Variants in IL23R observed in about 807,000 individuals in gnomAD.
IL23R encodes the protein interleukin-23 receptor.
A neutral mutation model predicts 56.9 loss-of-function variants in IL23R; 34 were observed. That is an observed-to-expected ratio of 0.60 (90% confidence interval 0.45 to 0.80). The LOEUF (loss-of-function observed/expected upper bound fraction) is 0.80. Ranked by LOEUF, IL23R falls within the 30% of genes least tolerant of loss-of-function variation. IL23R has a pLI of 0.00. For synonymous variants in IL23R, 230 were observed against 249.2 expected (o/e 0.92, Z 0.73); for missense variants, 635 against 730.0 (o/e 0.87, Z 1.50).
intron 6 of IL23R, among the ~76,000 whole-genome samples, chr1:67,207,428 G>T (rs1649151519): frequency 6.6e-6 from 1 of 152,024 alleles, no homozygotes. Context: ...TACCTGATAT[G>T]ATTTGGCTGC....
At chr1:67,206,153 G>A (rs1649037515) in intron 5 of IL23R, among the ~76,000 whole-genome samples, 1 of 150,546 alleles carries the variant, frequency 6.6e-6, no homozygotes, top group South Asian at 2.1e-4. Context: ...GCTGGGATTG[G>A]CACGCACCAC....
intron 6 of IL23R, among the ~76,000 whole-genome samples, chr1:67,217,804 G>A (rs1272424588): frequency 6.6e-6 from 1 of 151,556 alleles, no homozygotes; most frequent in Non-Finnish European, 1.5e-5. Flanking sequence ...ATATTTTCAT[G>A]AATTTTACAT....
chr1:67,222,361 C>A (rs1650337926), intron 7 of IL23R, among the ~76,000 whole-genome samples: 1 of 152,082 alleles, frequency 6.6e-6, no homozygotes, highest in South Asian at 2.1e-4. Context: ...AGGTGATCCG[C>A]CCGCTTTGGC....
chr1:67,170,261 G>A (rs930899135), intron 3 of IL23R, among the ~76,000 whole-genome samples: 1 of 152,146 alleles, frequency 6.6e-6, no homozygotes, highest in African/African-American at 2.4e-5. Context: ...TTATTTGGAA[G>A]CATATGATAA....
rs1169553680 is a variant in IL23R, at chr1:67,200,670, C to T, written c.492-67C>T. 7.2e-6 allele frequency: 11 copies of T among 1,522,480 alleles called. No homozygotes were observed. In the East Asian group the frequency reaches 2.5e-4, roughly 35 times the overall value. The allele number at this position is 1,522,480 out of a possible 1,614,324, so 94.3% of individuals were successfully genotyped here. A position where few individuals can be genotyped will look rare whatever the true frequency, so the allele number is the denominator to read the frequency against. On this transcript the variant is annotated intron_variant, in intron 4 of 10. Coordinates refer to ENST00000347310, the MANE Select transcript of IL23R (RefSeq NM_144701.3). Reference sequence around the variant, plus strand: ...AAAATGCTAGGATTACAGGTGTGAGCCACCATGCCTGGCCAATTAATTCAA... The same window carrying T: ...AAAATGCTAGGATTACAGGTGTGAGTCACCATGCCTGGCCAATTAATTCAA...
chr1:67,254,713 A>T (rs1304624899), intron 9 of IL23R, among the ~76,000 whole-genome samples: 2 of 152,224 alleles, frequency 1.3e-5, no homozygotes, highest in African/African-American at 4.8e-5. Context: ...TCCGTTGCTA[A>T]CAGGATCCAT....
At chr1:67,219,774 A>G (rs536067665) in intron 7 of IL23R, 44 bp downstream of exon 7, 10 of 1,569,954 alleles carry the variant, frequency 6.4e-6, no homozygotes, top group African/African-American at 2.7e-5. Flanking sequence ...TTTTCTTTAT[A>G]TATCTTTTCT....
At chr1:67,262,888 G>C (rs947772993), downstream of IL23R, among the ~76,000 whole-genome samples, 1 of 152,076 alleles carries the variant, frequency 6.6e-6, no homozygotes, top group Non-Finnish European at 1.5e-5. Flanking sequence ...TGATACTTAG[G>C]AATGCTGAAG....
Position 67,259,957 on chromosome 1 carries a change from T to G in IL23R, c.*829T>G, listed in dbSNP as rs796093881. The G allele has an allele frequency of 1.1e-5, 1 of 94,242 alleles. No individual in the cohort carries two copies. The highest frequency in any genetic ancestry group is 4.7e-5 in the African/African-American group (1 of 21,474). The allele number at this position is 94,242 out of a possible 1,614,324, so 5.8% of individuals were successfully genotyped here. ...CCAGCCTGGGCAACAAGAGCAAAACTCTGTCTGGAAAAAAAAAAAAAAAAA... is the reference window on the plus strand; with the variant it reads ...CCAGCCTGGGCAACAAGAGCAAAACGCTGTCTGGAAAAAAAAAAAAAAAAA... On this transcript the variant is annotated 3_prime_UTR_variant, in exon 11 of 11. Transcript: ENST00000347310.
rs558208409 is a variant in IL23R at position 67,169,503 on chromosome 1, A to G, written c.232A>G (p.Thr78Ala). Reference sequence around the variant, plus strand: ...TGGCATCAAAGAAAGATTTCAAATCACAAGGATTAATAAAACAACAGCTCG... The same window carrying G: ...TGGCATCAAAGAAAGATTTCAAATCGCAAGGATTAATAAAACAACAGCTCG... Reference protein sequence around the residue: ...KNGIKERFQITRINKTTARLW... With the variant: ...KNGIKERFQIARINKTTARLW... Residue 78 changes from threonine (T) to alanine (A), a missense_variant, in exon 3 of 11, where the codon ACA becomes GCA. Physicochemically the swap from Thr to Ala is moderately conservative, Grantham distance 58. Coordinates refer to ENST00000347310, the MANE Select transcript of IL23R (RefSeq NM_144701.3). 6.2e-7 allele frequency: 1 copy of G among 1,614,112 alleles called. No individual in the cohort carries two copies. Among genetic ancestry groups the G allele is most frequent in the Non-Finnish European group, 8.5e-7 (1 of 1,179,970 alleles).
intron 7 of IL23R, among the ~76,000 whole-genome samples, chr1:67,231,021 C>T (rs1386824861): frequency 2.6e-5 from 4 of 151,968 alleles, no homozygotes; most frequent in African/African-American, 4.8e-5. Flanking sequence ...AGGGTGGGGG[C>T]GAATCTCCAA....
chr1:67,199,527 A>G (rs1569923), intron 4 of IL23R, among the ~76,000 whole-genome samples: 72,678 of 152,032 alleles, frequency 0.48, 18,293 homozygotes, highest in African/African-American at 0.63. Context: ...CAGTAGGCAC[A>G]GTGGCTAGGG....
intron 5 of IL23R, among the ~76,000 whole-genome samples, chr1:67,206,681 T>G (rs1170392261): frequency 3.3e-5 from 5 of 151,836 alleles, no homozygotes; most frequent in East Asian, 1.9e-4. Flanking sequence ...GAGTTCAGTT[T>G]TTTTTTTTTT....
chr1:67,240,043 A>G (rs10889671), intron 8 of IL23R, 136 bp from the exon 9 acceptor site: 618,066 of 703,526 alleles, frequency 0.88, 272,305 homozygotes, highest in East Asian at 0.99. Flanking sequence ...TGTGGCCTAA[A>G]GTAAAGGTTA....
intron 1 of IL23R, among the ~76,000 whole-genome samples, chr1:67,152,516 CCTTGT>C (rs1195788617): frequency 6.6e-6 from 1 of 152,172 alleles, no homozygotes; most frequent in African/African-American, 2.4e-5. Context: ...GAGAGGGCAT[CCTTGT>C]CTTGTGCCAG....
At chr1:67,175,500 C>T (rs1646996224) in intron 3 of IL23R, among the ~76,000 whole-genome samples, 2 of 152,298 alleles carry the variant, frequency 1.3e-5, no homozygotes, top group Admixed American at 6.5e-5. Flanking sequence ...ATATCCACTT[C>T]CCTCTCCTCC....
intron 9 of IL23R, among the ~76,000 whole-genome samples, chr1:67,242,370 C>A (rs183399977): frequency 3.3e-5 from 5 of 152,258 alleles, no homozygotes; most frequent in Admixed American, 3.3e-4. Context: ...TAAACATATA[C>A]CCCATAATAC....
intron 3 of IL23R, among the ~76,000 whole-genome samples, chr1:67,171,874 G>T (rs1299264491): frequency 6.6e-6 from 1 of 152,146 alleles, no homozygotes; most frequent in Non-Finnish European, 1.5e-5. Context: ...CCAAGTGTTG[G>T]CTGGGGGGCC....
chr1:67,183,038 G>A, intron 4 of IL23R, 79 bp downstream of exon 4: 2 of 1,515,068 alleles, frequency 1.3e-6, no homozygotes, highest in Middle Eastern at 1.7e-4. Flanking sequence ...AGAGATCCAA[G>A]AAATCAGCCT....
Sources: gnomAD v4.1 joint callset for allele counts (sites outside exome capture counted in the v4.1 genomes callset) on GRCh38, gnomAD v4.1.1 for gene constraint, MANE v1.5 for transcripts, NCBI Gene and HGNC (gene_info 2026-07-23, HGNC 2026-07-21) for gene names.